PRKAR2A: variants seen among roughly 807,000 people sequenced by gnomAD.
PRKAR2A encodes the protein protein kinase cAMP-dependent type II regulatory subunit alpha, also known as cAMP-dependent protein kinase type II-alpha regulatory subunit.
In PRKAR2A, 29 loss-of-function variants were observed where a neutral mutation model predicts 51.9. The ratio of observed to expected loss-of-function variants is 0.56; its 90% confidence interval spans 0.42 to 0.76. The LOEUF is 0.76. Ranked by LOEUF, PRKAR2A falls within the 30% of genes least tolerant of loss-of-function variation. The probability of loss-of-function intolerance (pLI) is 0.00; values close to 1 mark genes in which losing one functional copy is unlikely to be tolerated. For missense variants in PRKAR2A, 445 were observed against 512.1 expected (o/e 0.87, Z 1.26); for synonymous variants, 178 against 186.2 (o/e 0.96, Z 0.36).
chr3:48,811,430 A>G (rs2082769055), intron 1 of PRKAR2A, among the ~76,000 whole-genome samples: 1 of 152,192 alleles, frequency 6.6e-6, no homozygotes, highest in South Asian at 2.1e-4. Context: ...AACTGCAATC[A>G]TGGCACTGCA....
intron 1 of PRKAR2A, among the ~76,000 whole-genome samples, chr3:48,836,553 G>A (rs1029991458): frequency 1.3e-5 from 2 of 150,574 alleles, no homozygotes; most frequent in Non-Finnish European, 3.0e-5. Flanking sequence ...GAAAATACAG[G>A]GGTAAATTTT....
At chr3:48,769,169 C>CT (rs2081986666) in intron 6 of PRKAR2A, among the ~76,000 whole-genome samples, 1 of 72,966 alleles carries the variant, frequency 1.4e-5, no homozygotes, top group Non-Finnish European at 2.8e-5. Flanking sequence ...TTTTTTTTTT[C>CT]TTTTTTGAGA....
intron 1 of PRKAR2A, among the ~76,000 whole-genome samples, chr3:48,814,405 T>C (rs971394879): frequency 2.2e-4 from 34 of 151,820 alleles, no homozygotes; most frequent in African/African-American, 8.0e-4. Context: ...GCAACAAGAG[T>C]GAGACTCCAT....
intron 1 of PRKAR2A, among the ~76,000 whole-genome samples, chr3:48,817,377 C>A (rs573244295): frequency 6.6e-6 from 1 of 151,178 alleles, no homozygotes; most frequent in Non-Finnish European, 1.5e-5. Context: ...ATAGGCCAGA[C>A]GTGGTGGCTC....
intron 1 of PRKAR2A, among the ~76,000 whole-genome samples, chr3:48,832,088 G>C (rs531273072): frequency 9.2e-5 from 14 of 152,134 alleles, no homozygotes; most frequent in Admixed American, 8.5e-4. Flanking sequence ...AAGGTCAGGA[G>C]TTCGAGACCA....
At chr3:48,776,861 C>T (rs933377060) in intron 5 of PRKAR2A, among the ~76,000 whole-genome samples, 2 of 151,902 alleles carry the variant, frequency 1.3e-5, no homozygotes, top group African/African-American at 2.4e-5. Context: ...TAACAGAATG[C>T]TATATTCCAT....
chr3:48,759,263 A>T (rs2081824867), intron 8 of PRKAR2A, among the ~76,000 whole-genome samples: 1 of 152,084 alleles, frequency 6.6e-6, no homozygotes, highest in Non-Finnish European at 1.5e-5. Context: ...CATGCTGTCC[A>T]GTGGTGGATA....
At chr3:48,844,770 A>C (rs561972924) in intron 1 of PRKAR2A, among the ~76,000 whole-genome samples, 9 of 149,396 alleles carry the variant, frequency 6.0e-5, no homozygotes, top group African/African-American at 2.2e-4. Flanking sequence ...TCTCACTCAC[A>C]GATGGGAATT....
At chr3:48,826,894 C>A (rs1435522645) in intron 1 of PRKAR2A, among the ~76,000 whole-genome samples, 23 of 146,974 alleles carry the variant, frequency 1.6e-4, no homozygotes, top group African/African-American at 4.5e-4. Flanking sequence ...AAAAAAAAAA[C>A]AAAGTAAACT....
At chr3:48,764,064 C>A (rs2081902524) in intron 8 of PRKAR2A, among the ~76,000 whole-genome samples, 1 of 152,312 alleles carries the variant, frequency 6.6e-6, no homozygotes, top group South Asian at 2.1e-4. Flanking sequence ...CTGAGCCTTT[C>A]CTCCTCGTAG....
intron 1 of PRKAR2A, among the ~76,000 whole-genome samples, chr3:48,840,818 C>T (rs1170998291): frequency 6.7e-6 from 1 of 149,842 alleles, no homozygotes; most frequent in East Asian, 2.0e-4. Flanking sequence ...CCTCGTGATC[C>T]GCCCACCTCG....
intron 1 of PRKAR2A, among the ~76,000 whole-genome samples, chr3:48,820,198 A>T (rs1392508704): frequency 6.6e-6 from 1 of 152,200 alleles, no homozygotes; most frequent in African/African-American, 2.4e-5. Flanking sequence ...GGCACTGTGG[A>T]GCCAATGGAG....
chr3:48,764,935 G>A, intron 8 of PRKAR2A, 69 bp downstream of exon 8: 1 of 1,420,460 alleles, frequency 7.0e-7, no homozygotes, highest in Non-Finnish European at 9.9e-7. Flanking sequence ...AGAAGTTTTT[G>A]AGATAAATGA....
chr3:48,827,657 A>C (rs1295851692), intron 1 of PRKAR2A, among the ~76,000 whole-genome samples: 1 of 152,186 alleles, frequency 6.6e-6, no homozygotes, highest in Non-Finnish European at 1.5e-5. Flanking sequence ...AAGTAATTTT[A>C]CACTTGTGTA....
At chr3:48,777,394 T>A (rs1485991972) in intron 5 of PRKAR2A, among the ~76,000 whole-genome samples, 1 of 152,096 alleles carries the variant, frequency 6.6e-6, no homozygotes, top group Non-Finnish European at 1.5e-5. Flanking sequence ...CTAAATTAAT[T>A]TCTATCCTGT....
chr3:48,797,579 C>G (rs2082516240), intron 2 of PRKAR2A, among the ~76,000 whole-genome samples: 1 of 152,196 alleles, frequency 6.6e-6, no homozygotes, highest in African/African-American at 2.4e-5. Context: ...CTCTCCCATC[C>G]CTGCCTTAGC....
chr3:48,793,572 A>ATT (rs556285506), intron 3 of PRKAR2A, among the ~76,000 whole-genome samples: 1 of 140,792 alleles, frequency 7.1e-6, no homozygotes, highest in East Asian at 2.1e-4. Flanking sequence ...CATGCCCAGC[A>ATT]TTTTTTTTTT....
intron 1 of PRKAR2A, among the ~76,000 whole-genome samples, chr3:48,809,180 A>G (rs1287853837): frequency 1.3e-5 from 2 of 152,208 alleles, no homozygotes; most frequent in Non-Finnish European, 2.9e-5. Context: ...GTCATTGCAA[A>G]TTAGATTGTA....
intron 1 of PRKAR2A, among the ~76,000 whole-genome samples, chr3:48,843,859 G>A (rs969422392): frequency 5.3e-5 from 8 of 151,284 alleles, no homozygotes; most frequent in Admixed American, 6.6e-5. Context: ...AGACTTAAAC[G>A]TTAGACCTAA....
Sources: allele counts gnomAD v4.1 joint callset (sites outside exome capture counted in the v4.1 genomes callset), GRCh38; gene constraint gnomAD v4.1.1; transcripts MANE v1.5; gene names NCBI Gene and HGNC (gene_info 2026-07-23, HGNC 2026-07-21).